RNASEH2B: variants seen among roughly 807,000 people sequenced by gnomAD.
The protein encoded by RNASEH2B is Aicardi-Goutieres syndrome 2 protein.
A neutral mutation model predicts 45.0 loss-of-function variants in RNASEH2B; 36 were observed. The observed-to-expected ratio is 0.80, with a 90% confidence interval of 0.61 to 1.06. The LOEUF is 1.06. RNASEH2B is among the 50% of genes least tolerant of loss of function. The pLI, the probability that RNASEH2B is intolerant of heterozygous loss-of-function variation, is 0.00. For synonymous variants in RNASEH2B, 119 were observed against 125.7 expected, an observed-to-expected ratio of 0.95 and a Z score of 0.35; for missense variants, 361 against 360.3, an observed-to-expected ratio of 1.00 and a Z score of -0.02.
rs117101976 is a variant in RNASEH2B at position 50,948,375 on chromosome 13, G to T, written c.698+307G>T. On this transcript the variant is annotated intron_variant, in intron 8 of 10. Coordinates refer to ENST00000336617, the MANE Select transcript of RNASEH2B (RefSeq NM_024570.4). The stretch of plus-strand genomic sequence containing the variant: ...TTAACTAATTTGGTTCTTTGTGATC[G>T]TTTTAAGAGGAAGAAAGGAGGGATG... The T allele has an allele frequency of 6.2e-3, 1,482 of 237,352 alleles. 7 individuals are homozygous for T. Among genetic ancestry groups the T allele is most frequent in the Non-Finnish European group, 9.8e-3 (1,207 of 122,712 alleles). The allele number at this position is 237,352 out of a possible 1,614,324, so 14.7% of individuals were successfully genotyped here.
intron 9 of RNASEH2B, chr13:50,951,788 A>G (rs1951978761): frequency 6.6e-6 from 1 of 152,104 alleles, no homozygotes; most frequent in Non-Finnish European, 1.5e-5. Context: ...AATATATTCA[A>G]CAGTGCACTG....
intron 5 of RNASEH2B, chr13:50,941,025 G>A (rs892202237): frequency 1.3e-5 from 2 of 152,042 alleles, no homozygotes; most frequent in African/African-American, 4.8e-5. Context: ...TCGAAGATGG[G>A]GACAAATCAT....
intron 1 of RNASEH2B, 174 bp downstream of exon 1, chr13:50,910,314 G>C: frequency 2.3e-6 from 1 of 431,394 alleles, no homozygotes; most frequent in Non-Finnish European, 4.0e-6. Context: ...GCAAGCCGCG[G>C]TTTTCAAACC....
intron 10 of RNASEH2B, chr13:50,955,982 T>A (rs1053707364): frequency 5.1e-6 from 1 of 194,732 alleles, no homozygotes; most frequent in Non-Finnish European, 1.1e-5. Context: ...TGGTGTGAAT[T>A]ATTCATCATG....
At chr13:50,927,750 C>T (rs566195870) in intron 2 of RNASEH2B, among the ~76,000 whole-genome samples, 9 of 152,242 alleles carry the variant, frequency 5.9e-5, no homozygotes, top group Admixed American at 2.6e-4. Flanking sequence ...TGTTTGAGTT[C>T]TCTTTAAAAA....
intron 9 of RNASEH2B, among the ~76,000 whole-genome samples, chr13:50,967,696 T>A (rs1031782482): frequency 6.6e-6 from 1 of 152,222 alleles, no homozygotes; most frequent in African/African-American, 2.4e-5. Context: ...TTACCAGATA[T>A]GAAAGACAAC....
intron 5 of RNASEH2B, chr13:50,941,344 T>C (rs899520041): frequency 2.0e-5 from 3 of 152,214 alleles, no homozygotes; most frequent in Admixed American, 2.0e-4. Flanking sequence ...GGGGTATGCA[T>C]GAGCCCTGGT....
At chr13:50,912,625 C>T (rs979396596) in intron 1 of RNASEH2B, 2 of 152,196 alleles carry the variant, frequency 1.3e-5, no homozygotes, top group African/African-American at 4.8e-5. Context: ...GTTACCCATT[C>T]GGGAGTTGGA....
rs187954476 is a variant in RNASEH2B at position 50,964,386 on chromosome 13, A to G, written c.742-5546A>G. ...CTAATAATACTGACAAACACTGTAT[A>G]GCATTTATGTGCTTGGCATTGATCT... On this transcript the variant is annotated intron_variant, in intron 9 of 9. Transcript: ENST00000422660. 3.9e-3 allele frequency among the ~76,000 whole-genome samples: 599 copies of G among 152,318 alleles called. 19 individuals are homozygous for G. Among genetic ancestry groups the G allele is most frequent in the South Asian group, 4.6e-3 (22 of 4,830 alleles).
chr13:50,957,818 A>G (rs1469670014), downstream of RNASEH2B, among the ~76,000 whole-genome samples: 1 of 152,194 alleles, frequency 6.6e-6, no homozygotes, highest in Non-Finnish European at 1.5e-5. Context: ...AGGAGATGGT[A>G]TCTCATTGTG....
Position 50,956,355 on chromosome 13 carries a change from C to T in RNASEH2B, c.823-3C>T. ...AATTTTTCTCTCTTATTTTCATTAACAGAAAAATAGCAAAATGACTGCAGC... is the reference window on the plus strand; with the variant it reads ...AATTTTTCTCTCTTATTTTCATTAATAGAAAAATAGCAAAATGACTGCAGC... On this transcript the variant is annotated splice_region_variant and splice_polypyrimidine_tract_variant and intron_variant, in intron 10 of 10. Coordinates refer to ENST00000336617, the MANE Select transcript of RNASEH2B (RefSeq NM_024570.4). 6.3e-7 allele frequency: 1 copy of T among 1,589,840 alleles called. No homozygotes were observed. Among genetic ancestry groups the T allele is most frequent in the Non-Finnish European group, 8.6e-7 (1 of 1,164,064 alleles).
chr13:50,916,808 A>C (rs1255383913), intron 1 of RNASEH2B, among the ~76,000 whole-genome samples: 1 of 152,186 alleles, frequency 6.6e-6, no homozygotes, highest in East Asian at 1.9e-4. Context: ...GTGTGTTACA[A>C]AATCAAACAT....
chr13:50,927,532 T>C (rs978014818), intron 2 of RNASEH2B, 54 bp downstream of exon 2: 3 of 1,060,546 alleles, frequency 2.8e-6, no homozygotes, highest in Non-Finnish European at 4.4e-6. Context: ...CTAATGAGTA[T>C]ATACACTTTT....
Position 50,910,053 on chromosome 13 carries a change from G to C in RNASEH2B, c.-24G>C, listed in dbSNP as rs1350316744. 7.5e-6 allele frequency: 11 copies of C among 1,464,756 alleles called. No homozygotes were observed. In the East Asian group the frequency reaches 3.0e-4, roughly 40 times the overall value. 90.7% of individuals were successfully genotyped at this position (1,464,756 alleles called of 1,614,324 possible). A position where few individuals can be genotyped will look rare whatever the true frequency, so the allele number is the denominator to read the frequency against. On this transcript the variant is annotated 5_prime_UTR_variant, in exon 1 of 11. Coordinates refer to ENST00000336617, the MANE Select transcript of RNASEH2B (RefSeq NM_024570.4). Reference sequence around the variant, plus strand: ...CTGAGGCCCGCGGCGCTGAGCCTGCGGCGCCCCGGAAGAGGCGGGCGGCAT... The same window carrying C: ...CTGAGGCCCGCGGCGCTGAGCCTGCCGCGCCCCGGAAGAGGCGGGCGGCAT...
At chr13:50,926,043 A>G (rs1951590194) in intron 1 of RNASEH2B, among the ~76,000 whole-genome samples, 1 of 152,096 alleles carries the variant, frequency 6.6e-6, no homozygotes, top group Non-Finnish European at 1.5e-5. Context: ...TGCCTTGAGA[A>G]TAGTTGTTTC....
downstream of RNASEH2B, among the ~76,000 whole-genome samples, chr13:50,961,224 T>C (rs1199369970): frequency 6.6e-6 from 1 of 152,178 alleles, no homozygotes; most frequent in Non-Finnish European, 1.5e-5. Flanking sequence ...GTAAGTATTC[T>C]GGGACTTTGT....
rs1293371202 is a variant in RNASEH2B at position 50,934,857 on chromosome 13, C to T, written c.322-28C>T. On this transcript the variant is annotated intron_variant, in intron 4 of 10. Coordinates refer to ENST00000336617, the MANE Select transcript of RNASEH2B (RefSeq NM_024570.4). ...CTGAATGTCTTTGTTGAATGAAATG[C>T]TTGCTTTCCAACTAACTGTTTTTTC... 4 of 1,432,124 alleles carry T rather than the reference C, an allele frequency of 2.8e-6. No homozygotes were observed. In the Admixed American group the frequency reaches 6.9e-5, roughly 25 times the overall value. The allele number at this position is 1,432,124 out of a possible 1,614,324, so 88.7% of individuals were successfully genotyped here. A position where few individuals can be genotyped will look rare whatever the true frequency, so the allele number is the denominator to read the frequency against.
intron 4 of RNASEH2B, 153 bp downstream of exon 4, chr13:50,930,912 AG>A: frequency 1.4e-6 from 1 of 704,714 alleles, no homozygotes; most frequent in Admixed American, 2.0e-5. Context: ...GGGCCAGTGC[AG>A]GACAGAGCAC....
At chr13:50,929,316 G>C (rs1951645632) in intron 2 of RNASEH2B, 159 bp from the exon 3 acceptor site, 2 of 644,186 alleles carry the variant, frequency 3.1e-6, no homozygotes, top group Admixed American at 4.7e-5. Context: ...TATAATAGCT[G>C]TAAGCTTTCC....
Sources: gnomAD v4.1 joint callset for allele counts (sites outside exome capture counted in the v4.1 genomes callset) on GRCh38, gnomAD v4.1.1 for gene constraint, MANE v1.5 for transcripts, NCBI Gene and HGNC (gene_info 2026-07-23, HGNC 2026-07-21) for gene names.